The following SLC4A4 variants were observed in gnomAD, a reference collection of about 807,000 sequenced individuals.
The protein encoded by SLC4A4 is solute carrier family 4 member 4.
SLC4A4 carries 27 observed loss-of-function variants against 111.5 expected under a neutral mutation model. The observed-to-expected ratio is 0.24, with a 90% CI of 0.18 to 0.33. The LOEUF (loss-of-function observed/expected upper bound fraction) is 0.33, where lower values mean the gene tolerates loss of function less well. SLC4A4 is among the 10% of genes least tolerant of loss of function. The pLI is 1.00. For missense variants in SLC4A4, 909 were observed against 1,315.5 expected, an observed-to-expected ratio of 0.69 and a Z score of 4.78; for synonymous variants, 443 against 463.4, an observed-to-expected ratio of 0.96 and a Z score of 0.57.
intron 1 of SLC4A4, among the ~76,000 whole-genome samples, chr4:71,084,875 G>A (rs935179974): frequency 2.0e-5 from 3 of 151,982 alleles, no homozygotes; most frequent in African/African-American, 7.3e-5. Flanking sequence ...ACCTGTGCAT[G>A]TGTCTCTCTA....
chr4:71,271,524 A>G (rs1265081958), intron 3 of SLC4A4, among the ~76,000 whole-genome samples: 2 of 152,246 alleles, frequency 1.3e-5, no homozygotes, highest in African/African-American at 2.4e-5. Context: ...CAGAACCACT[A>G]GGATTAATAT....
intron 1 of SLC4A4, among the ~76,000 whole-genome samples, chr4:71,220,154 A>G (rs560756938): frequency 1.3e-5 from 2 of 152,350 alleles, no homozygotes; most frequent in South Asian, 4.1e-4. Flanking sequence ...TACTTTGTGA[A>G]AGGAAGAATC....
exon 2 of SLC4A4, among the ~76,000 whole-genome samples, chr4:71,092,763 A>C (rs1742422809): frequency 6.6e-6 from 1 of 152,212 alleles, no homozygotes; most frequent in Non-Finnish European, 1.5e-5. Flanking sequence ...TCTTCTGGCT[A>C]TAAACCTGAG....
intron 6 of SLC4A4, among the ~76,000 whole-genome samples, chr4:71,385,189 A>ATTTTTTT (rs1194914064): frequency 2.7e-4 from 4 of 14,978 alleles, no homozygotes; most frequent in African/African-American, 4.8e-4. Context: ...ATATATATAT[A>ATTTTTTT]TATTTTTTTT....
intron 7 of SLC4A4, among the ~76,000 whole-genome samples, chr4:71,408,967 C>T (rs1006787585): frequency 1.3e-5 from 2 of 152,204 alleles, no homozygotes; most frequent in African/African-American, 4.8e-5. Context: ...GAATAAGTCT[C>T]ATGAGATCTA....
intron 11 of SLC4A4, among the ~76,000 whole-genome samples, chr4:71,452,056 A>G (rs577146814): frequency 1.3e-5 from 2 of 151,548 alleles, no homozygotes; most frequent in South Asian, 4.2e-4. Flanking sequence ...TTTAAGTGGG[A>G]TACTTATTTT....
intron 3 of SLC4A4, among the ~76,000 whole-genome samples, chr4:71,259,989 G>A (rs947247302): frequency 1.3e-5 from 2 of 152,302 alleles, no homozygotes; most frequent in South Asian, 2.1e-4. Flanking sequence ...GGTCTTGCCC[G>A]TTGTGGAATC....
rs888031545 is a variant in SLC4A4, at chr4:71,144,596, A to G, written c.-2+51804A>G. Among the ~76,000 whole-genome samples the G allele has an allele frequency of 3.8e-4, 58 of 151,550 alleles. 1 individual carries two copies. The highest frequency in any genetic ancestry group is 7.7e-4 in the Non-Finnish European group (52 of 67,874). ...ACCCATGAGCATGGAATGTTCTTCCATTTGTTTGTATCCTCTTTTATTTCA... is the reference window on the plus strand; with the variant it reads ...ACCCATGAGCATGGAATGTTCTTCCGTTTGTTTGTATCCTCTTTTATTTCA... On this transcript the variant is annotated intron_variant, in intron 2 of 26. Transcript: ENST00000649996.
intron 4 of SLC4A4, among the ~76,000 whole-genome samples, chr4:71,349,016 C>T (rs984693438): frequency 7.2e-5 from 11 of 152,078 alleles, no homozygotes; most frequent in African/African-American, 2.2e-4. Context: ...AATAGCAAAA[C>T]GATGTTGCTT....
intron 3 of SLC4A4, among the ~76,000 whole-genome samples, chr4:71,335,074 G>A (rs1456179115): frequency 6.7e-6 from 1 of 149,784 alleles, no homozygotes; most frequent in Non-Finnish European, 1.5e-5. Flanking sequence ...GTGAAGTGGA[G>A]GGAGGGAGGA....
At chr4:71,124,174 CT>C (rs5859248) in intron 2 of SLC4A4, among the ~76,000 whole-genome samples, 100,726 of 123,044 alleles carry the variant, frequency 0.82, 40,719 homozygotes, top group East Asian at 0.9. Flanking sequence ...TAGGCCCACA[CT>C]TTTTTTTTTT....
chr4:71,409,389 A>G (rs1035372314), intron 7 of SLC4A4, among the ~76,000 whole-genome samples: 4 of 152,198 alleles, frequency 2.6e-5, no homozygotes, highest in African/African-American at 7.2e-5. Context: ...GTGGTCTCAG[A>G]TGGAGATGTG....
At chr4:71,225,565 A>G (rs1186176505) in intron 1 of SLC4A4, among the ~76,000 whole-genome samples, 3 of 152,202 alleles carry the variant, frequency 2.0e-5, no homozygotes, top group Non-Finnish European at 4.4e-5. Flanking sequence ...CATCCCTGCC[A>G]GCTGGGTGGT....
At chr4:71,134,257 T>C (rs1166127482) in intron 2 of SLC4A4, among the ~76,000 whole-genome samples, 1 of 152,246 alleles carries the variant, frequency 6.6e-6, no homozygotes, top group African/African-American at 2.4e-5. Flanking sequence ...CTTGAAGCTA[T>C]ACTCCCAGAT....
chr4:71,132,806 C>G (rs1192768823), intron 2 of SLC4A4, among the ~76,000 whole-genome samples: 1 of 152,126 alleles, frequency 6.6e-6, no homozygotes, highest in Non-Finnish European at 1.5e-5. Flanking sequence ...GTTAACTGAC[C>G]CTAAGCAATC....
At chr4:71,352,320 C>T (rs1729916643) in intron 5 of SLC4A4, among the ~76,000 whole-genome samples, 1 of 151,926 alleles carries the variant, frequency 6.6e-6, no homozygotes, top group Non-Finnish European at 1.5e-5. Context: ...AGAGTATAGG[C>T]AGTCTAGGAG....
intron 2 of SLC4A4, among the ~76,000 whole-genome samples, chr4:71,159,714 G>T (rs555457648): frequency 2.0e-5 from 3 of 152,102 alleles, no homozygotes; most frequent in South Asian, 2.1e-4. Context: ...GAGTTGCTGG[G>T]CCAAAAGTAT....
chr4:71,110,947 T>A (rs1743068623), intron 2 of SLC4A4, among the ~76,000 whole-genome samples: 1 of 152,184 alleles, frequency 6.6e-6, no homozygotes, highest in South Asian at 2.1e-4. Flanking sequence ...AAAAATCAGG[T>A]CCTTTTACTC....
intron 20 of SLC4A4, among the ~76,000 whole-genome samples, chr4:71,552,974 A>T (rs1484058295): frequency 3.3e-5 from 5 of 151,812 alleles, no homozygotes; most frequent in Non-Finnish European, 7.4e-5. Context: ...ATTTTTAAGG[A>T]TTGACCTCCT....
Sources: allele counts gnomAD v4.1 joint callset (sites outside exome capture counted in the v4.1 genomes callset), GRCh38; gene constraint gnomAD v4.1.1; transcripts MANE v1.5; gene names NCBI Gene and HGNC (gene_info 2026-07-23, HGNC 2026-07-21).